The following ETHE1 variants were observed in gnomAD, a reference collection of about 807,000 sequenced individuals.
ETHE1 encodes persulfide dioxygenase ETHE1, mitochondrial.
In ETHE1, 16 loss-of-function variants were observed where a neutral mutation model predicts 25.7. The ratio of observed to expected loss-of-function variants is 0.62; its 90% CI spans 0.42 to 0.95. The LOEUF is 0.95. Among genes scored for constraint, ETHE1 ranks in the 40% least tolerant of loss-of-function variants. ETHE1 has a pLI of 0.00. For synonymous variants in ETHE1, 139 were observed against 135.9 expected (o/e 1.02, Z -0.16); for missense variants, 300 against 333.6 (o/e 0.90, Z 0.79).
At chr19:43,525,176 T>G (rs1386832476) in intron 3 of ETHE1, among the ~76,000 whole-genome samples, 1 of 150,694 alleles carries the variant, frequency 6.6e-6, no homozygotes, top group Non-Finnish European at 1.5e-5. Context: ...ACACTGAAGC[T>G]AAATCTACCA....
chr19:43,526,921 C>T, intron 1 of ETHE1, 176 bp downstream of exon 1: 2 of 1,487,544 alleles, frequency 1.3e-6, no homozygotes, highest in Non-Finnish European at 1.8e-6. Context: ...AGCCCAGAGG[C>T]CCCCAGACCA....
At chr19:43,526,906 C>T (rs1972263300) in intron 1 of ETHE1, 191 bp downstream of exon 1, 3 of 1,476,824 alleles carry the variant, frequency 2.0e-6, no homozygotes, top group Non-Finnish European at 2.7e-6. Context: ...AGGGGTCTGG[C>T]CCCAAGCCCA....
At position 43,527,071 on chromosome 19, in the gene ETHE1, C is replaced by A. The variant is rs139147386; in HGVS notation, c.81+26G>T. On this transcript the variant is annotated intron_variant, in intron 1 of 6. Transcript: ENST00000292147. ...TTGCTGCCGCCTAGTGCCCAGCAGT[C>A]CCCTCCTAGGTCCAGCCACCCGCAC... is the stretch of plus-strand genomic sequence containing the variant. The A allele has an allele frequency of 1.4e-3, 2,163 of 1,548,078 alleles. 19 individuals carry two copies. The African/African-American group carries it at 0.026, about 19-fold the overall frequency.
At chr19:43,512,036 T>C (rs944219381) in intron 3 of ETHE1, among the ~76,000 whole-genome samples, 2 of 152,188 alleles carry the variant, frequency 1.3e-5, no homozygotes, top group Non-Finnish European at 2.9e-5. Context: ...TGCTGCCATG[T>C]AAGACAGGTC....
chr19:43,520,498 C>T (rs996595253), intron 3 of ETHE1, among the ~76,000 whole-genome samples: 2 of 151,946 alleles, frequency 1.3e-5, no homozygotes, highest in South Asian at 2.1e-4. Context: ...CCCAGGAGGT[C>T]GAGGCCAGCC....
intron 5 of ETHE1, 100 bp downstream of exon 5, chr19:43,508,675 T>C: frequency 9.5e-7 from 1 of 1,049,414 alleles, no homozygotes; most frequent in South Asian, 1.4e-5. Context: ...CCAGAGAAAT[T>C]TCTGAGACTG....
intron 4 of ETHE1, among the ~76,000 whole-genome samples, 173 bp downstream of exon 4, chr19:43,511,264 C>G (rs1161631983): frequency 1.3e-5 from 2 of 152,134 alleles, no homozygotes; most frequent in African/African-American, 4.8e-5. Context: ...GAAACCGGTC[C>G]CTGGTGCCAA....
Position 43,506,810 on chromosome 19 carries a change from G to C in ETHE1, c.*40C>G. Reference sequence around the variant, plus strand: ...CATTGCCGCCCTCTCCTCCCACCTAGTGCATTAATAGTGGATGGGAGCATC... The same window carrying C: ...CATTGCCGCCCTCTCCTCCCACCTACTGCATTAATAGTGGATGGGAGCATC... On this transcript the variant is annotated 3_prime_UTR_variant, in exon 7 of 7. Coordinates refer to ENST00000292147, the MANE Select transcript of ETHE1 (RefSeq NM_014297.5). 6.4e-7 allele frequency: 1 copy of C among 1,571,844 alleles called. No individual in the cohort carries two copies. The highest frequency in any genetic ancestry group is 8.8e-7 in the Non-Finnish European group (1 of 1,142,748).
intron 3 of ETHE1, among the ~76,000 whole-genome samples, chr19:43,520,081 G>T (rs145201851): frequency 3.3e-4 from 50 of 150,138 alleles, no homozygotes; most frequent in African/African-American, 1.2e-3. Context: ...GGACACAGCA[G>T]CTCAAACCTG....
chr19:43,525,135 AAAGAAAG>A (rs1226309856), intron 3 of ETHE1, among the ~76,000 whole-genome samples: 3 of 148,268 alleles, frequency 2.0e-5, no homozygotes, highest in Non-Finnish European at 4.5e-5. Flanking sequence ...TAAAAAAAAA[AAAGAAAG>A]AAAGAAAGAA....
intron 3 of ETHE1, among the ~76,000 whole-genome samples, chr19:43,520,375 A>G (rs1023350857): frequency 1.3e-5 from 2 of 152,066 alleles, no homozygotes; most frequent in African/African-American, 4.8e-5. Context: ...AGAAAAAAAG[A>G]TGAAGTGATG....
intron 3 of ETHE1, among the ~76,000 whole-genome samples, chr19:43,525,125 T>TAAAA (rs60796262): frequency 1.1e-5 from 1 of 90,498 alleles, no homozygotes; most frequent in Admixed American, 1.3e-4. Flanking sequence ...CAGTCTCAAA[T>TAAAA]AAAAAAAAAA....
chr19:43,520,714 A>T (rs3760914), intron 3 of ETHE1, among the ~76,000 whole-genome samples: 12,419 of 151,536 alleles, frequency 0.082, 800 homozygotes, highest in East Asian at 0.33. Flanking sequence ...AAAAAAAAAA[A>T]TTTTTTTTCA....
chr19:43,507,825 C>A, intron 6 of ETHE1, 119 bp downstream of exon 6: 2 of 992,108 alleles, frequency 2.0e-6, no homozygotes, highest in South Asian at 2.9e-5. Context: ...AGGCCCCCAG[C>A]CCCTCCTCCC....
chr19:43,515,160 T>C (rs1419093998), intron 3 of ETHE1, among the ~76,000 whole-genome samples: 1 of 152,072 alleles, frequency 6.6e-6, no homozygotes, highest in Non-Finnish European at 1.5e-5. Flanking sequence ...CTCATACCTG[T>C]AATCCCAGCA....
chr19:43,525,201 G>A (rs1045640152), intron 3 of ETHE1, among the ~76,000 whole-genome samples: 4 of 150,412 alleles, frequency 2.7e-5, no homozygotes, highest in Admixed American at 1.3e-4. Flanking sequence ...TAAACCCTTC[G>A]TTCATTTCAA....
rs761661864 is a variant in ETHE1 at position 43,508,773 on chromosome 19, A to C, written c.595+2T>G. Reference sequence around the variant, plus strand: ...CCCACACCTCTTCCAGGAAGCCCTCACCATGGTAATCGTGAGCAGGGTAGA... The same window carrying C: ...CCCACACCTCTTCCAGGAAGCCCTCCCCATGGTAATCGTGAGCAGGGTAGA... On this transcript the variant is annotated splice_donor_variant, in intron 5 of 6. Coordinates refer to ENST00000292147, the MANE Select transcript of ETHE1 (RefSeq NM_014297.5). LOFTEE classifies it high-confidence loss of function. 20 of 1,597,780 alleles carry C rather than the reference A, an allele frequency of 1.3e-5. No individual in the cohort carries two copies. Among genetic ancestry groups the C allele is most frequent in the Non-Finnish European group, 1.6e-5 (19 of 1,171,880 alleles).
chr19:43,508,668 G>C, intron 5 of ETHE1, 107 bp downstream of exon 5: 2 of 993,476 alleles, frequency 2.0e-6, no homozygotes, highest in South Asian at 2.8e-5. Context: ...TTTTTGGCCA[G>C]AGAAATTTCT....
intron 3 of ETHE1, among the ~76,000 whole-genome samples, chr19:43,517,676 T>C (rs907395681): frequency 6.6e-6 from 1 of 151,504 alleles, no homozygotes; most frequent in Non-Finnish European, 1.5e-5. Context: ...CTCGGGAGGC[T>C]GAGGCAGGAG....
Sources: allele counts gnomAD v4.1 joint callset (sites outside exome capture counted in the v4.1 genomes callset), GRCh38; gene constraint gnomAD v4.1.1; transcripts MANE v1.5; gene names NCBI Gene and HGNC (gene_info 2026-07-23, HGNC 2026-07-21).